The following CSMD1 variants were observed in gnomAD, a reference collection of about 807,000 sequenced individuals.
CSMD1 encodes the protein CUB and Sushi multiple domains 1, also known as CUB and sushi domain-containing protein 1.
A neutral mutation model predicts 417.5 loss-of-function variants in CSMD1; 213 were observed. The ratio of observed to expected loss-of-function variants is 0.51; its 90% CI spans 0.46 to 0.57. The LOEUF (loss-of-function observed/expected upper bound fraction) is 0.57, where lower values mean the gene tolerates loss of function less well. CSMD1 is among the 20% of genes least tolerant of loss of function. The pLI is 0.00. For missense variants in CSMD1, 6,923 were observed against 4,529.7 expected, an observed-to-expected ratio of 1.53 and a Z score of -15.17; for synonymous variants, 2,862 against 1,736.8, an observed-to-expected ratio of 1.65 and a Z score of -16.11.
chr8:3,962,422 C>G (rs1585040616), intron 5 of CSMD1, among the ~76,000 whole-genome samples: 1 of 152,202 alleles, frequency 6.6e-6, no homozygotes, highest in Admixed American at 6.5e-5. Flanking sequence ...GTCTACCACC[C>G]TCACCTCTCA....
intron 10 of CSMD1, among the ~76,000 whole-genome samples, chr8:3,522,923 C>T (rs1203957044): frequency 6.7e-6 from 1 of 148,736 alleles, no homozygotes; most frequent in South Asian, 2.1e-4. Flanking sequence ...TATAAAATAT[C>T]AATATATTTA....
chr8:4,851,400 G>A (rs1801472630), intron 1 of CSMD1, among the ~76,000 whole-genome samples: 1 of 150,986 alleles, frequency 6.6e-6, no homozygotes, highest in African/African-American at 2.4e-5. Flanking sequence ...TTCCTTTTTT[G>A]TTTTTTTCCT....
At chr8:4,398,755 TC>T (rs1804443552) in intron 3 of CSMD1, among the ~76,000 whole-genome samples, 1 of 152,222 alleles carries the variant, frequency 6.6e-6, no homozygotes, top group South Asian at 2.1e-4. Context: ...AATTAGTTTC[TC>T]ATTTATCAAA....
intron 3 of CSMD1, among the ~76,000 whole-genome samples, chr8:4,175,704 G>C (rs993864029): frequency 6.6e-6 from 1 of 152,112 alleles, no homozygotes; most frequent in African/African-American, 2.4e-5. Context: ...ACAGAAGGGA[G>C]AATTTTATTG....
intron 2 of CSMD1, among the ~76,000 whole-genome samples, chr8:4,491,174 T>G (rs1378941525): frequency 6.6e-6 from 1 of 151,808 alleles, no homozygotes; most frequent in African/African-American, 2.4e-5. Flanking sequence ...TGTAACAATC[T>G]GTACATGTAC....
chr8:4,416,935 C>G (rs574257049), intron 3 of CSMD1, among the ~76,000 whole-genome samples: 6 of 152,090 alleles, frequency 3.9e-5, no homozygotes, highest in African/African-American at 2.4e-5. Flanking sequence ...TTATTATAAA[C>G]TATGTGTAAT....
At position 4,515,198 on chromosome 8, in the gene CSMD1, G is replaced by C. The variant is rs1202395715; in HGVS notation, c.303-95133C>G. Among the ~76,000 whole-genome samples the C allele has an allele frequency of 2.6e-5, 4 of 152,176 alleles. No homozygotes were observed. In the East Asian group the frequency reaches 5.8e-4, roughly 22 times the overall value. On this transcript the variant is annotated intron_variant, in intron 2 of 69. Transcript: ENST00000635120. Reference sequence around the variant, plus strand: ...GCTTCTAACTTCTCTTCATTAAGTAGTTAAAAAATATTTAATGAGTCTCTA... The same window carrying C: ...GCTTCTAACTTCTCTTCATTAAGTACTTAAAAAATATTTAATGAGTCTCTA...
At chr8:2,962,055 T>C (rs145906129) in intron 61 of CSMD1, among the ~76,000 whole-genome samples, 1 of 152,192 alleles carries the variant, frequency 6.6e-6, no homozygotes, top group Non-Finnish European at 1.5e-5. Flanking sequence ...TTAGTAAATC[T>C]CAATGAACAA....
rs568740864 is a variant in CSMD1, at chr8:3,018,330, A to G, written c.8029+147T>C. The stretch of plus-strand genomic sequence containing the variant: ...AAAAACAAATCCCTGTAGATACTCA[A>G]AGAAAAAATCACACTGGGAGGTGCA... On this transcript the variant is annotated intron_variant, in intron 52 of 69. Coordinates refer to ENST00000635120, the MANE Select transcript of CSMD1 (RefSeq NM_033225.6). 231 of 699,334 alleles carry G rather than the reference A, an allele frequency of 3.3e-4. 1 individual carries two copies. Among genetic ancestry groups the G allele is most frequent in the Middle Eastern group, 3.8e-4 (1 of 2,654 alleles). The allele number at this position is 699,334 out of a possible 1,614,324, so 43.3% of individuals were successfully genotyped here. A position where few individuals can be genotyped will look rare whatever the true frequency, so the allele number is the denominator to read the frequency against.
Position 3,307,772 on chromosome 8 carries a change from G to A in CSMD1, c.3873C>T (p.Ser1291=), listed in dbSNP as rs1176562946. Residue 1291 remains serine, a synonymous_variant, in exon 25 of 70, where the codon TCC becomes TCT. Coordinates refer to ENST00000635120, the MANE Select transcript of CSMD1 (RefSeq NM_033225.6). The part of the protein sequence containing the change: ...IHAATSGRIL[S]PGYPAPYDNN... ...TGTCATACGGAGCTGGATAGCCAGGGGACAATATTCGTCCTGATGTGGCTG... is the reference window on the plus strand; with the variant it reads ...TGTCATACGGAGCTGGATAGCCAGGAGACAATATTCGTCCTGATGTGGCTG... The A allele has an allele frequency of 2.5e-6, 4 of 1,613,488 alleles. No individual in the cohort carries two copies. The highest frequency in any genetic ancestry group is 1.3e-5 in the African/African-American group (1 of 74,864).
intron 3 of CSMD1, among the ~76,000 whole-genome samples, chr8:4,248,115 AT>A (rs571532920): frequency 3.3e-5 from 5 of 151,952 alleles, no homozygotes; most frequent in African/African-American, 9.6e-5. Context: ...TTTCCAGTTT[AT>A]TTTTTTTAAA....
intron 52 of CSMD1, among the ~76,000 whole-genome samples, chr8:3,007,260 A>G (rs993840939): frequency 2.6e-5 from 4 of 151,474 alleles, no homozygotes; most frequent in Non-Finnish European, 4.4e-5. Flanking sequence ...CGATCATTAA[A>G]AAGTCAGGAA....
At chr8:3,530,741 C>G (rs966932214) in intron 10 of CSMD1, among the ~76,000 whole-genome samples, 1 of 152,104 alleles carries the variant, frequency 6.6e-6, no homozygotes, top group Admixed American at 6.6e-5. Flanking sequence ...GTTGGCCAGG[C>G]TGGTCTCAAA....
intron 12 of CSMD1, among the ~76,000 whole-genome samples, chr8:3,456,616 G>T (rs1360569115): frequency 6.6e-6 from 1 of 152,088 alleles, no homozygotes; most frequent in Non-Finnish European, 1.5e-5. Flanking sequence ...ATCCTATTTA[G>T]CATTGAAATA....
chr8:3,432,416 C>T (rs1303376507), intron 12 of CSMD1, among the ~76,000 whole-genome samples: 1 of 151,490 alleles, frequency 6.6e-6, no homozygotes, highest in African/African-American at 2.4e-5. Context: ...TAATGGTTGC[C>T]AAGTCTTTGG....
Position 4,432,664 on chromosome 8 carries a change from G to A in CSMD1, c.303-12599C>T, listed in dbSNP as rs146619255. Among the ~76,000 whole-genome samples the A allele has an allele frequency of 1.2e-4, 18 of 152,264 alleles. 1 individual carries two copies. Among genetic ancestry groups the A allele is most frequent in the African/African-American group, 3.4e-4 (14 of 41,562 alleles). On this transcript the variant is annotated intron_variant, in intron 2 of 69. Coordinates refer to ENST00000635120, the MANE Select transcript of CSMD1 (RefSeq NM_033225.6). ...CTTAAGACCATGCAGGTGGAGAGCAGGAGAGACAAGATTCAAACCCTGGCG... is the reference window on the plus strand; with the variant it reads ...CTTAAGACCATGCAGGTGGAGAGCAAGAGAGACAAGATTCAAACCCTGGCG...
intron 10 of CSMD1, among the ~76,000 whole-genome samples, chr8:3,540,456 C>G (rs917274337): frequency 6.6e-6 from 1 of 152,130 alleles, no homozygotes; most frequent in African/African-American, 2.4e-5. Context: ...CAATACTATT[C>G]AGGACATAGT....
At chr8:4,550,455 T>C (rs929918079) in intron 2 of CSMD1, among the ~76,000 whole-genome samples, 1 of 152,028 alleles carries the variant, frequency 6.6e-6, no homozygotes, top group Non-Finnish European at 1.5e-5. Flanking sequence ...ACTAAAGGTA[T>C]TGCATTTTTA....
At chr8:4,428,649 G>A (rs112226031) in intron 2 of CSMD1, among the ~76,000 whole-genome samples, 16 of 151,920 alleles carry the variant, frequency 1.1e-4, no homozygotes, top group African/African-American at 3.6e-4. Context: ...AGAACTTTTA[G>A]GGCTTATTAA....
Sources: gnomAD v4.1 joint callset for allele counts (sites outside exome capture counted in the v4.1 genomes callset) on GRCh38, gnomAD v4.1.1 for gene constraint, MANE v1.5 for transcripts, NCBI Gene and HGNC (gene_info 2026-07-23, HGNC 2026-07-21) for gene names.